Variants in ZNF433 observed in about 807,000 individuals in gnomAD.
ZNF433 encodes zinc finger protein 433.
Under a neutral mutation model 10.6 loss-of-function variants are expected in ZNF433, and 12 were observed. That is an observed-to-expected ratio of 1.13 (90% CI 0.72 to 1.83). The LOEUF is 1.83. ZNF433 is among the 40% of genes most tolerant of loss of function. The pLI, the probability that ZNF433 is intolerant of heterozygous loss-of-function variation, is 0.00. For missense variants in ZNF433, 737 were observed against 798.0 expected (o/e 0.92, Z 0.92); for synonymous variants, 272 against 271.3 (o/e 1.00, Z -0.02).
intron 1 of ZNF433, chr19:12,026,661 G>A: frequency 2.2e-6 from 1 of 452,976 alleles, no homozygotes; most frequent in South Asian, 1.6e-5. Flanking sequence ...AAAACTATTT[G>A]TAAACAGGAT....
chr19:12,033,777 G>A (rs921054090), intron 1 of ZNF433, among the ~76,000 whole-genome samples: 6 of 152,076 alleles, frequency 3.9e-5, no homozygotes, highest in South Asian at 2.1e-4. Flanking sequence ...AGTAGAGATC[G>A]CGCCACTGCA....
chr19:12,016,603 CT>C lies in ZNF433; in HGVS notation c.254del (p.Gln85ArgfsTer7), dbSNP rs1209630665. On this transcript the variant is annotated frameshift_variant, in exon 4 of 4. Transcript: ENST00000550507. LOFTEE classifies it low-confidence loss of function (END_TRUNC). The stretch of plus-strand genomic sequence containing the variant: ...TTTTCTTCAGCATGTCATCTGGAAC[CT>C]GGGTCAAAATTTCTCCATGCTGATG... ...EGHQHGEILTQVPDDMLKKTT... is the reference protein window; with the variant it reads ...EGHQHGEILTXVPDDMLKKTT... 3.1e-6 allele frequency: 5 copies of C among 1,614,044 alleles called. No homozygotes were observed. The highest frequency in any genetic ancestry group is 4.2e-6 in the Non-Finnish European group (5 of 1,180,040).
chr19:12,035,454 A>T, intron 1 of ZNF433, 83 bp downstream of exon 1: 1 of 1,532,652 alleles, frequency 6.5e-7, no homozygotes, highest in East Asian at 2.5e-5. Flanking sequence ...CGCCGCGGGG[A>T]GGCCCGGGTC....
chr19:12,032,335 C>T (rs1184659021), intron 1 of ZNF433, among the ~76,000 whole-genome samples: 3 of 152,006 alleles, frequency 2.0e-5, no homozygotes, highest in African/African-American at 7.3e-5. Flanking sequence ...GTAAACTTTC[C>T]CTATTTTTCT....
chr19:12,030,146 C>T, intron 1 of ZNF433: 1 of 437,828 alleles, frequency 2.3e-6, no homozygotes, highest in South Asian at 1.6e-5. Context: ...TTACCAGGCA[C>T]CAGATCTGTC....
chr19:12,027,568 A>T (rs1481580289), intron 1 of ZNF433, among the ~76,000 whole-genome samples: 4 of 152,250 alleles, frequency 2.6e-5, no homozygotes, highest in Admixed American at 2.6e-4. Flanking sequence ...CCTGCTGCAG[A>T]TAACTAGCCA....
At chr19:12,029,708 G>A (rs1244982006) in intron 1 of ZNF433, among the ~76,000 whole-genome samples, 3 of 151,908 alleles carry the variant, frequency 2.0e-5, no homozygotes, top group Non-Finnish European at 4.4e-5. Flanking sequence ...CATGAGAGTA[G>A]ATCCCTCGTG....
intron 3 of ZNF433, 72 bp downstream of exon 3, chr19:12,017,804 T>A (rs1974283373): frequency 2.0e-6 from 2 of 975,622 alleles, no homozygotes; most frequent in Non-Finnish European, 3.1e-6. Context: ...TTTCCTTTTT[T>A]TTTTTTTAAC....
In ZNF433 at chr19:12,035,548, T is replaced by G; in HGVS notation, c.-9A>C. On this transcript the variant is annotated 5_prime_UTR_variant, in exon 1 of 4. Coordinates refer to ENST00000550507, the MANE Select transcript of ZNF433 (RefSeq NM_001308348.2). ...GCCCGCACGCTCACCATTTCTTGCC[T>G]TTCAGGTGACTCCCACGACCAGTGC... The G allele has an allele frequency of 6.4e-7, 1 of 1,572,192 alleles. No individual in the cohort carries two copies. Among genetic ancestry groups the G allele is most frequent in the Non-Finnish European group, 8.6e-7 (1 of 1,158,878 alleles).
At chr19:12,019,437 A>C (rs578080111) in intron 1 of ZNF433, among the ~76,000 whole-genome samples, 1 of 152,250 alleles carries the variant, frequency 6.6e-6, no homozygotes, top group South Asian at 2.1e-4. Flanking sequence ...ACTTTTGTGC[A>C]TGAGATGACA....
At chr19:12,026,442 T>C (rs1352194999) in intron 1 of ZNF433, 1 of 312,398 alleles carries the variant, frequency 3.2e-6, no homozygotes, top group African/African-American at 2.3e-5. Flanking sequence ...AATTTAATGA[T>C]AGCTATGACA....
chr19:12,027,059 T>G (rs543721064), intron 1 of ZNF433: 21 of 448,410 alleles, frequency 4.7e-5, no homozygotes, highest in African/African-American at 4.0e-4. Flanking sequence ...CTCTAGAAAC[T>G]TGGATATTGC....
At chr19:12,017,811 T>TTAA in intron 3 of ZNF433, 65 bp downstream of exon 3, 2 of 977,610 alleles carry the variant, frequency 2.0e-6, no homozygotes, top group Non-Finnish European at 3.1e-6. Context: ...TTTTTTTTTT[T>TTAA]AACATTTTCT....
intron 2 of ZNF433, 65 bp downstream of exon 2, chr19:12,018,101 G>A: frequency 6.8e-7 from 1 of 1,473,244 alleles, no homozygotes. Flanking sequence ...AAAAATACTT[G>A]TTCTCAGAAA....
Position 12,018,234 on chromosome 19 carries a change from A to G in ZNF433, c.62T>C (p.Leu21Pro), listed in dbSNP as rs1164697570. 6.2e-7 allele frequency: 1 copy of G among 1,613,090 alleles called. No homozygotes were observed. The highest frequency in any genetic ancestry group is 8.5e-7 in the Non-Finnish European group (1 of 1,179,700). ...ACAGAGATTTTTCTGGGAAGGATCC[A>G]GCAAAGCCCACTCCTCTTGGGTGAA... The part of the protein sequence containing the change: ...VTFTQEEWAL[L>P]DPSQKNLCRD... The change falls in exon 2 of 4, where the codon CTG (leucine) becomes CCG (proline). Residue 21 changes from leucine to proline, a missense_variant. Transcript: ENST00000550507.
chr19:12,026,243 C>T (rs921337393), intron 1 of ZNF433: 2 of 165,012 alleles, frequency 1.2e-5, no homozygotes, highest in Non-Finnish European at 2.7e-5. Context: ...TAAAGCCTTA[C>T]TATGAGCCAG....
intron 1 of ZNF433, chr19:12,030,209 G>T (rs1352872814): frequency 9.1e-6 from 4 of 439,352 alleles, no homozygotes; most frequent in Admixed American, 7.5e-5. Context: ...CTGTCAGAAA[G>T]AAATGTTTAT....
Position 12,027,614 on chromosome 19 carries a change from T to C in ZNF433, c.3+7923A>G, listed in dbSNP as rs116839178. On this transcript the variant is annotated intron_variant, in intron 1 of 3. Coordinates refer to ENST00000550507, the MANE Select transcript of ZNF433 (RefSeq NM_001308348.2). ...CTTTGTTTCACATAAGGAATATTTT[T>C]AGTTAATCTATAATCTACAGAAACA... Among the ~76,000 whole-genome samples the C allele has an allele frequency of 2.3e-3, 358 of 152,364 alleles. 2 individuals are homozygous for C. The highest frequency in any genetic ancestry group is 8.2e-3 in the African/African-American group (343 of 41,584).
chr19:12,035,400 G>A (rs1975242459), intron 1 of ZNF433, 137 bp downstream of exon 1: 2 of 1,274,126 alleles, frequency 1.6e-6, no homozygotes, highest in Admixed American at 2.2e-5. Context: ...AGGGGACCAA[G>A]GGCCGAGCTG....
Sources: allele counts gnomAD v4.1 joint callset (sites outside exome capture counted in the v4.1 genomes callset), GRCh38; gene constraint gnomAD v4.1.1; transcripts MANE v1.5; gene names NCBI Gene and HGNC (gene_info 2026-07-23, HGNC 2026-07-21).